The following PLIN3 variants were observed in gnomAD, a reference collection of about 807,000 sequenced individuals.
PLIN3 encodes perilipin-3.
In PLIN3, 30 loss-of-function variants were observed where a neutral mutation model predicts 35.9. That is an observed-to-expected ratio of 0.84 (90% CI 0.62 to 1.13). PLIN3 has a LOEUF of 1.13. Among genes scored for constraint, PLIN3 ranks in the 50% most tolerant of loss-of-function variants. The pLI is 0.00. For synonymous variants in PLIN3, 261 were observed against 262.5 expected (o/e 0.99, Z 0.06); for missense variants, 603 against 596.9 (o/e 1.01, Z -0.11).
At chr19:4,858,490 G>A (rs1368971115) in intron 4 of PLIN3, among the ~76,000 whole-genome samples, 1 of 150,902 alleles carries the variant, frequency 6.6e-6, no homozygotes, top group East Asian at 2.0e-4. Context: ...TGATTCTCTT[G>A]CCTCAGCCTC....
chr19:4,848,642 A>G (rs767605557), intron 5 of PLIN3, among the ~76,000 whole-genome samples: 38 of 152,320 alleles, frequency 2.5e-4, no homozygotes, highest in Non-Finnish European at 5.0e-4. Context: ...CAAGGCGGGC[A>G]GATCACTTGA....
intron 4 of PLIN3, among the ~76,000 whole-genome samples, chr19:4,858,315 G>A (rs111377135): frequency 0.026 from 3,764 of 144,808 alleles, 154 homozygotes; most frequent in African/African-American, 0.079. Context: ...CAGAGGCAAA[G>A]TAACTTGTGT....
chr19:4,858,701 G>T (rs2362527), intron 4 of PLIN3, among the ~76,000 whole-genome samples: 6,690 of 78,188 alleles, frequency 0.086, 585 homozygotes, highest in African/African-American at 0.26. Context: ...TGTTTTTTTG[G>T]TTTTTTTTTT....
intron 3 of PLIN3, 58 bp from the exon 4 acceptor site, chr19:4,859,730 CA>C: frequency 6.2e-7 from 1 of 1,602,320 alleles, no homozygotes; most frequent in Non-Finnish European, 8.5e-7. Context: ...AGTAATGGTT[CA>C]GGGGGACAGG....
intron 7 of PLIN3, among the ~76,000 whole-genome samples, chr19:4,841,745 A>C (rs1271731918): frequency 6.6e-6 from 1 of 151,414 alleles, no homozygotes; most frequent in Non-Finnish European, 1.5e-5. Flanking sequence ...TACTAAAAAA[A>C]CACAAAAAAA....
chr19:4,844,290 CCT>C lies in PLIN3; in HGVS notation c.960+376_960+377del, dbSNP rs1443396754. Among the ~76,000 whole-genome samples, 7 of 152,118 alleles carry C rather than the reference CCT, an allele frequency of 4.6e-5. No individual in the cohort carries two copies. In the South Asian group the frequency reaches 8.3e-4, roughly 18 times the overall value. ...ACCAGCCTGGCCAACATGGTGAAAC[CCT>C]GTCTCTACTAAAAATACAAAAAAAT... On this transcript the variant is annotated intron_variant, in intron 7 of 7. Transcript: ENST00000221957.
At chr19:4,844,834 T>TG in intron 6 of PLIN3, 41 bp from the exon 7 acceptor site, 1 of 1,543,788 alleles carries the variant, frequency 6.5e-7, no homozygotes, top group Non-Finnish European at 8.7e-7. Context: ...GAGGCTCCCC[T>TG]GGGAGAGACG....
intron 1 of PLIN3, among the ~76,000 whole-genome samples, chr19:4,862,282 C>A (rs2030702257): frequency 6.6e-6 from 1 of 152,046 alleles, no homozygotes; most frequent in Admixed American, 6.6e-5. Context: ...AGGCGTGTGC[C>A]ACTACACCTG....
chr19:4,858,952 T>C (rs2030573017), intron 4 of PLIN3, among the ~76,000 whole-genome samples: 1 of 151,734 alleles, frequency 6.6e-6, no homozygotes, highest in South Asian at 2.1e-4. Context: ...TCCTCCCGCC[T>C]TGGCCTCCCA....
intron 1 of PLIN3, among the ~76,000 whole-genome samples, 186 bp from the exon 2 acceptor site, chr19:4,861,597 G>T (rs983796798): frequency 2.0e-5 from 3 of 150,600 alleles, no homozygotes; most frequent in Non-Finnish European, 4.4e-5. Flanking sequence ...TGATTCTAAA[G>T]CTTCGGGATG....
chr19:4,848,424 G>A (rs1599163249), intron 5 of PLIN3, among the ~76,000 whole-genome samples: 2 of 152,352 alleles, frequency 1.3e-5, no homozygotes, highest in Admixed American at 1.3e-4. Context: ...CCTTAGACTA[G>A]CAGGAGGGTC....
intron 7 of PLIN3, among the ~76,000 whole-genome samples, 179 bp downstream of exon 7, chr19:4,844,489 C>T (rs2030016585): frequency 2.0e-5 from 3 of 152,120 alleles, no homozygotes; most frequent in Non-Finnish European, 2.9e-5. Flanking sequence ...GAAGCCATAC[C>T]TATGCATGCC....
intron 1 of PLIN3, among the ~76,000 whole-genome samples, chr19:4,861,743 C>A (rs1244414404): frequency 2.0e-5 from 3 of 151,904 alleles, no homozygotes; most frequent in African/African-American, 4.8e-5. Context: ...TCAAGCAATT[C>A]TCCTGCCTTA....
rs187530537 is a variant in PLIN3 at position 4,844,692 on chromosome 19, G to A, written c.936C>T (p.Pro312=). 224 of 1,609,312 alleles carry A rather than the reference G, an allele frequency of 1.4e-4. 2 individuals carry two copies. In the East Asian group the frequency reaches 4.6e-3, roughly 33 times the overall value. The change falls in exon 7 of 8, where the codon CCC becomes CCT. Residue 312 remains proline, a synonymous_variant. Transcript: ENST00000221957. The stretch of plus-strand genomic sequence containing the variant: ...CCTCTGGCTTGGGCGGCTCCTTCTC[G>A]GGGCCCTGGAGCTGCTTCTGGTTCC... ...LSWNQKQLQG[P]EKEPPKPEQV...
chr19:4,854,290 A>C (rs2030399196), intron 4 of PLIN3, among the ~76,000 whole-genome samples: 1 of 152,030 alleles, frequency 6.6e-6, no homozygotes, highest in South Asian at 2.1e-4. Context: ...GTTGAAAACC[A>C]CACCTGCCCC....
chr19:4,853,328 T>C (rs995034386), intron 4 of PLIN3, among the ~76,000 whole-genome samples: 8 of 151,424 alleles, frequency 5.3e-5, no homozygotes, highest in Middle Eastern at 3.2e-3. Context: ...TTTTTATTTA[T>C]TTATTAATTT....
At chr19:4,845,573 C>T (rs2030060191) in intron 6 of PLIN3, among the ~76,000 whole-genome samples, 2 of 152,068 alleles carry the variant, frequency 1.3e-5, no homozygotes, top group African/African-American at 2.4e-5. Context: ...AGCTCCAGAA[C>T]AGCATAGGCA....
chr19:4,842,514 C>T (rs570497035), intron 7 of PLIN3, among the ~76,000 whole-genome samples: 11 of 146,564 alleles, frequency 7.5e-5, no homozygotes, highest in Admixed American at 2.8e-4. Flanking sequence ...GCAGGAGAAT[C>T]GCTTGAACCC....
intron 4 of PLIN3, among the ~76,000 whole-genome samples, chr19:4,858,165 C>T (rs1387519086): frequency 6.9e-6 from 1 of 145,660 alleles, no homozygotes; most frequent in African/African-American, 2.6e-5. Context: ...CCCAGCTACT[C>T]AGCAGCCTGA....
Sources: gnomAD v4.1 joint callset for allele counts (sites outside exome capture counted in the v4.1 genomes callset) on GRCh38, gnomAD v4.1.1 for gene constraint, MANE v1.5 for transcripts, NCBI Gene and HGNC (gene_info 2026-07-23, HGNC 2026-07-21) for gene names.